PDZRN4: variants seen among roughly 807,000 people sequenced by gnomAD.
PDZRN4 encodes PDZ domain-containing RING finger protein 4.
A neutral mutation model predicts 99.0 loss-of-function variants in PDZRN4; 70 were observed. The ratio of observed to expected loss-of-function variants is 0.71; its 90% CI spans 0.58 to 0.86. The LOEUF (loss-of-function observed/expected upper bound fraction) is 0.86. PDZRN4 is among the 40% of genes least tolerant of loss of function. The probability of loss-of-function intolerance (pLI) is 0.00; values close to 1 mark genes in which losing one functional copy is unlikely to be tolerated. For missense variants in PDZRN4, 1,474 were observed against 1,331.2 expected (o/e 1.11, Z -1.67); for synonymous variants, 551 against 501.6 (o/e 1.10, Z -1.32).
rs10506194 is a variant in PDZRN4, at chr12:41,536,984, G to A, written c.1204-15672G>A. Among the ~76,000 whole-genome samples the A allele has an allele frequency of 7.6e-3, 1,159 of 152,134 alleles. 52 individuals are homozygous for A. The East Asian group carries it at 0.14, about 18-fold the overall frequency. Reference sequence around the variant, plus strand: ...GTTTTTGAGTCATACTCCTTGAATCGTTGTTTCCTGAGTATCAGTATTATT... The same window carrying A: ...GTTTTTGAGTCATACTCCTTGAATCATTGTTTCCTGAGTATCAGTATTATT... On this transcript the variant is annotated intron_variant, in intron 5 of 9. Transcript: ENST00000402685.
At chr12:41,274,962 G>A (rs918743005) in intron 3 of PDZRN4, among the ~76,000 whole-genome samples, 2 of 152,122 alleles carry the variant, frequency 1.3e-5, no homozygotes, top group Non-Finnish European at 2.9e-5. Context: ...AGTATAATTA[G>A]GTAGATTCAG....
chr12:41,248,742 A>G (rs949844216), intron 3 of PDZRN4, among the ~76,000 whole-genome samples: 1 of 152,198 alleles, frequency 6.6e-6, no homozygotes, highest in Admixed American at 6.5e-5. Flanking sequence ...CAGTCTTAGA[A>G]GTGAAATAAA....
chr12:41,491,878 C>T (rs1458158), intron 3 of PDZRN4, among the ~76,000 whole-genome samples: 82,808 of 151,990 alleles, frequency 0.54, 23,299 homozygotes, highest in African/African-American at 0.7. Context: ...TATTCTATTC[C>T]GTATCTGGTT....
intron 3 of PDZRN4, among the ~76,000 whole-genome samples, chr12:41,269,449 C>T (rs1951299386): frequency 6.6e-6 from 1 of 152,044 alleles, no homozygotes; most frequent in East Asian, 1.9e-4. Flanking sequence ...AACCTTGTTA[C>T]CACAGTCAGC....
At chr12:41,525,232 C>T (rs1938549612) in intron 5 of PDZRN4, among the ~76,000 whole-genome samples, 1 of 152,178 alleles carries the variant, frequency 6.6e-6, no homozygotes, top group East Asian at 1.9e-4. Context: ...AGGCCAAAGA[C>T]AGACTTTCAA....
intron 3 of PDZRN4, among the ~76,000 whole-genome samples, chr12:41,470,638 C>T (rs1208298330): frequency 6.6e-6 from 1 of 152,170 alleles, no homozygotes; most frequent in Non-Finnish European, 1.5e-5. Flanking sequence ...TCTCCTAATG[C>T]TATCTCTTCC....
chr12:41,226,766 T>TA (rs1185018025), intron 3 of PDZRN4, among the ~76,000 whole-genome samples: 2 of 152,160 alleles, frequency 1.3e-5, no homozygotes, highest in Admixed American at 1.3e-4. Context: ...TTAATAATGT[T>TA]AAGGCTAGAA....
At chr12:41,392,600 C>T (rs879330099) in intron 3 of PDZRN4, among the ~76,000 whole-genome samples, 6 of 152,110 alleles carry the variant, frequency 3.9e-5, no homozygotes, top group Admixed American at 3.3e-4. Context: ...AATGTCCTCC[C>T]CTTACTTACA....
At chr12:41,189,259 CTTACGAA>C (rs1950719822) in intron 1 of PDZRN4, among the ~76,000 whole-genome samples, 156 bp downstream of exon 1, 1 of 152,144 alleles carries the variant, frequency 6.6e-6, no homozygotes, top group African/African-American at 2.4e-5. Flanking sequence ...CTGTCATTAT[CTTACGAA>C]TGGATTGGCG....
chr12:41,501,058 T>C (rs989992470), intron 3 of PDZRN4, among the ~76,000 whole-genome samples: 1 of 152,170 alleles, frequency 6.6e-6, no homozygotes, highest in Non-Finnish European at 1.5e-5. Flanking sequence ...AGAATTATAA[T>C]ACACAAGTAT....
chr12:41,229,069 CT>C (rs1233434873), intron 3 of PDZRN4, among the ~76,000 whole-genome samples: 1 of 151,678 alleles, frequency 6.6e-6, no homozygotes, highest in Non-Finnish European at 1.5e-5. Flanking sequence ...TGATGTAGTG[CT>C]TCATAATTTC....
intron 3 of PDZRN4, chr12:41,437,655 CTG>C: frequency 1.2e-6 from 1 of 821,714 alleles, no homozygotes; most frequent in Non-Finnish European, 1.7e-6. Context: ...GAGCTGGAAT[CTG>C]TGTAGTCATG....
intron 3 of PDZRN4, among the ~76,000 whole-genome samples, chr12:41,274,084 TA>T (rs1382824565): frequency 2.0e-5 from 3 of 152,140 alleles, no homozygotes; most frequent in African/African-American, 7.2e-5. Context: ...GGACATTATA[TA>T]TTTTTTTCAT....
intron 3 of PDZRN4, among the ~76,000 whole-genome samples, chr12:41,239,751 C>T (rs1951090913): frequency 6.6e-6 from 1 of 152,144 alleles, no homozygotes; most frequent in Admixed American, 6.6e-5. Flanking sequence ...ATATTTTCTG[C>T]TGATTCACTG....
At chr12:41,368,825 A>G (rs1032054060) in intron 3 of PDZRN4, among the ~76,000 whole-genome samples, 10 of 152,084 alleles carry the variant, frequency 6.6e-5, no homozygotes, top group Admixed American at 6.6e-4. Flanking sequence ...TGGGGAGCCA[A>G]GGGGATGGTG....
At chr12:41,217,220 C>A (rs1950927051) in intron 3 of PDZRN4, among the ~76,000 whole-genome samples, 1 of 152,040 alleles carries the variant, frequency 6.6e-6, no homozygotes, top group South Asian at 2.1e-4. Flanking sequence ...CAAATCAGAG[C>A]AACTCAATGA....
intron 3 of PDZRN4, among the ~76,000 whole-genome samples, chr12:41,411,003 C>G (rs959672321): frequency 6.6e-6 from 1 of 151,614 alleles, no homozygotes; most frequent in Non-Finnish European, 1.5e-5. Context: ...CTCAGGCTCC[C>G]GAATAGCTAG....
intron 3 of PDZRN4, among the ~76,000 whole-genome samples, chr12:41,289,509 T>G (rs141354944): frequency 1.7e-3 from 259 of 152,282 alleles, no homozygotes; most frequent in African/African-American, 5.8e-3. Flanking sequence ...GCAGGGACTA[T>G]TAGCAGCAGC....
In PDZRN4 at chr12:41,288,648, T is replaced by A. The variant is rs1306324274; in HGVS notation, c.843+94460T>A. 2.6e-5 allele frequency among the ~76,000 whole-genome samples: 4 copies of A among 152,294 alleles called. No individual in the cohort carries two copies. The East Asian group carries it at 7.7e-4, about 29-fold the overall frequency. On this transcript the variant is annotated intron_variant, in intron 3 of 9. Transcript: ENST00000402685. ...TTTGCATGGATGAGAAATCAATAAA[T>A]CCTCACTGTTGTTATTTTATCCTCT...
Sources: allele counts gnomAD v4.1 joint callset (sites outside exome capture counted in the v4.1 genomes callset), GRCh38; gene constraint gnomAD v4.1.1; transcripts MANE v1.5; gene names NCBI Gene and HGNC (gene_info 2026-07-23, HGNC 2026-07-21).